The following LRRC4 variants were observed in gnomAD, a reference collection of about 807,000 sequenced individuals.
LRRC4 encodes the protein leucine rich repeat containing 4.
A neutral mutation model predicts 37.9 loss-of-function variants in LRRC4; 11 were observed. The observed-to-expected ratio is 0.29, with a 90% confidence interval of 0.18 to 0.48. The LOEUF is 0.48. Ranked by LOEUF, LRRC4 falls within the 20% of genes least tolerant of loss-of-function variation. The pLI is 0.99. For synonymous variants in LRRC4, 404 were observed against 346.7 expected (o/e 1.17, Z -1.84); for missense variants, 717 against 842.1 (o/e 0.85, Z 1.84).
rs1179434942 is a variant in LRRC4 at position 128,028,728 on chromosome 7, T to C, written c.1913A>G (p.Tyr638Cys). 1.9e-6 allele frequency: 3 copies of C among 1,614,108 alleles called. No individual in the cohort carries two copies. Among genetic ancestry groups the C allele is most frequent in the East Asian group, 2.2e-5 (1 of 44,882 alleles). ...GTCCTTGGTATGGGTCTGAATTATA[T>C]AAGGTTCAGAGATAGTGGTGACTGT... is the stretch of plus-strand genomic sequence containing the variant. ...HPTVTTISEP[Y>C]IIQTHTKDKV... Residue 638 changes from tyrosine to cysteine, a missense_variant, in exon 2 of 2, where the codon TAT becomes TGT. Tyr to Cys is a radical substitution (Grantham distance 194). This residue lies in a region of LRRC4 where 140 missense variants were observed against 137.2 expected (regional missense o/e 1.02). Transcript: ENST00000249363.
In LRRC4 at chr7:128,029,164, C is replaced by T. The variant is rs1481748327; in HGVS notation, c.1477G>A (p.Val493Met). The change falls in exon 2 of 2, where the codon GTG becomes ATG. Residue 493 changes from valine (V) to methionine (M), a missense_variant. By Grantham distance (21) the Val-to-Met change is conservative. This residue lies in a region of LRRC4 where 293 missense variants were observed against 268.3 expected (regional missense o/e 1.09). Coordinates refer to ENST00000249363, the MANE Select transcript of LRRC4 (RefSeq NM_022143.5). This position sits in a 1 kb window ranked among gnomAD's most constrained non-coding sequence, Gnocchi z 4.2. ...GGCACACGGGTAGTCTGAATGAGCA[C>T]CGTGGTAGAGGTGGTATATGCCGGC... ...YQPAYTTSTT[V>M]LIQTTRVPKQ... 1.2e-6 allele frequency: 2 copies of T among 1,613,980 alleles called. No individual in the cohort carries two copies. Among genetic ancestry groups the T allele is most frequent in the South Asian group, 1.1e-5 (1 of 91,058 alleles).
Position 128,028,856 on chromosome 7 carries a change from T to C in LRRC4, c.1785A>G (p.Ala595=). The C allele has an allele frequency of 1.2e-6, 2 of 1,614,230 alleles. No individual in the cohort carries two copies. The highest frequency in any genetic ancestry group is 1.7e-6 in the Non-Finnish European group (2 of 1,180,024). The change falls in exon 2 of 2, where the codon GCA becomes GCG. Residue 595 remains alanine (A), a synonymous_variant. Coordinates refer to ENST00000249363, the MANE Select transcript of LRRC4 (RefSeq NM_022143.5). ...GGTCATGAATTGTGGGCAGCACTAC[T>C]GCCCCCTCACCTGATACACCGGACG... ...AAPSGVSGEG[A]VVLPTIHDHI...
Position 128,028,669 on chromosome 7 carries a change from G to A in LRRC4, c.*10C>T, listed in dbSNP as rs767933794. ...CTATTGCATTTTATAAGTTTTTTGG[G>A]GGAGGGGAGTCATATTTGAGTTTCC... On this transcript the variant is annotated 3_prime_UTR_variant, in exon 2 of 2. Coordinates refer to ENST00000249363, the MANE Select transcript of LRRC4 (RefSeq NM_022143.5). 3 of 1,598,050 alleles carry A rather than the reference G, an allele frequency of 1.9e-6. No individual in the cohort carries two copies. The highest frequency in any genetic ancestry group is 2.6e-6 in the Non-Finnish European group (3 of 1,171,580).
intron 1 of LRRC4, 49 bp from the exon 2 acceptor site, chr7:128,030,789 G>C: frequency 9.7e-7 from 1 of 1,035,684 alleles, no homozygotes; most frequent in East Asian, 2.8e-5. Context: ...GAGCGGATCG[G>C]CCGAAAAAAA....
rs949018984 is a variant in LRRC4 at position 128,027,260 on chromosome 7, G to C, written c.*1419C>G. The stretch of plus-strand genomic sequence containing the variant: ...TCATTAGATGGACCAGAATAACAGA[G>C]ATCTCTGCCTTCCCCACCCACGCCC... On this transcript the variant is annotated 3_prime_UTR_variant, in exon 2 of 2. Transcript: ENST00000249363. 3.3e-5 allele frequency: 5 copies of C among 149,866 alleles called. No homozygotes were observed. The highest frequency in any genetic ancestry group is 1.2e-4 in the African/African-American group (5 of 40,270). 9.3% of individuals were successfully genotyped at this position (149,866 alleles called of 1,614,324 possible).
Position 128,028,549 on chromosome 7 carries a change from G to GTT in LRRC4, c.*128_*129dup. Reference sequence around the variant, plus strand: ...TTGTCTTTAAATTTTAATATAATCTGTTTTTTTTAACCAGCCCATAGACTT... The same window carrying GTT: ...TTGTCTTTAAATTTTAATATAATCTGTTTTTTTTTTAACCAGCCCATAGACTT... On this transcript the variant is annotated 3_prime_UTR_variant, in exon 2 of 2. Coordinates refer to ENST00000249363, the MANE Select transcript of LRRC4 (RefSeq NM_022143.5). 2.4e-6 allele frequency: 2 copies of GTT among 831,826 alleles called. No individual in the cohort carries two copies. The highest frequency in any genetic ancestry group is 2.4e-5 in the South Asian group (1 of 40,822). 51.5% of individuals were successfully genotyped at this position (831,826 alleles called of 1,614,324 possible).
Position 128,027,912 on chromosome 7 carries a change from A to C in LRRC4, c.*767T>G, listed in dbSNP as rs556290745. 4 of 152,426 alleles carry C rather than the reference A, an allele frequency of 2.6e-5. No homozygotes were observed. The highest frequency in any genetic ancestry group is 9.6e-5 in the African/African-American group (4 of 41,550). 9.4% of individuals were successfully genotyped at this position (152,426 alleles called of 1,614,324 possible). ...AAGCCCAACTGCAGGAATCTGGTGC[A>C]ATGTGAAAGCATTAGACTGAGAGCT... is the stretch of plus-strand genomic sequence containing the variant. On this transcript the variant is annotated 3_prime_UTR_variant, in exon 2 of 2. Transcript: ENST00000249363.
chr7:128,028,504 AAT>A lies in LRRC4; in HGVS notation c.*173_*174del. 2 of 647,868 alleles carry A rather than the reference AAT, an allele frequency of 3.1e-6. No homozygotes were observed. The highest frequency in any genetic ancestry group is 5.0e-6 in the Non-Finnish European group (2 of 403,424). 40.1% of individuals were successfully genotyped at this position (647,868 alleles called of 1,614,324 possible). A position where few individuals can be genotyped will look rare whatever the true frequency, so the allele number is the denominator to read the frequency against. On this transcript the variant is annotated 3_prime_UTR_variant, in exon 2 of 2. Transcript: ENST00000249363. ...TTTAAATAGAACTTACAAGTTAGAA[AAT>A]ATTTTTGTTTTGACTTTTTGTCTTT...
Position 128,028,446 on chromosome 7 carries a change from C to T in LRRC4, c.*233G>A. 2.2e-6 allele frequency: 1 copy of T among 447,186 alleles called. No individual in the cohort carries two copies. 27.7% of individuals were successfully genotyped at this position (447,186 alleles called of 1,614,324 possible). A position where few individuals can be genotyped will look rare whatever the true frequency, so the allele number is the denominator to read the frequency against. ...TAGCAAGTTAACTTGTGGCTTGTAC[C>T]CCACAACGTTCCCAAGATTCCCCCC... On this transcript the variant is annotated 3_prime_UTR_variant, in exon 2 of 2. Transcript: ENST00000249363.
Position 128,030,707 on chromosome 7 carries a change from C to A in LRRC4, c.-67G>T. The stretch of plus-strand genomic sequence containing the variant: ...CTCGGAAAGGAGAACCAGCCCTACC[C>A]CGGCTTAAGTGAGCTAGGAGCTCCT... On this transcript the variant is annotated 5_prime_UTR_variant, in exon 2 of 2. Transcript: ENST00000249363. 6.6e-7 allele frequency: 1 copy of A among 1,507,702 alleles called. No homozygotes were observed. Among genetic ancestry groups the A allele is most frequent in the South Asian group, 1.3e-5 (1 of 75,302 alleles). 93.4% of individuals were successfully genotyped at this position (1,507,702 alleles called of 1,614,324 possible).
At position 128,030,441 on chromosome 7, in the gene LRRC4, G is replaced by A; in HGVS notation, c.200C>T (p.Ser67Phe). The change falls in exon 2 of 2, where the codon TCC (serine) becomes TTC (phenylalanine). Residue 67 changes from serine (S) to phenylalanine (F), a missense_variant. By Grantham distance (155) the Ser-to-Phe change is radical. Transcript: ENST00000249363. ...SKVVCTRRGL[S>F]EVPQGIPSNT... is the part of the protein sequence containing the mutation. ...CGAGGGAATACCCTGCGGGACCTCG[G>A]AGAGGCCCCGGCGCGTGCACACCAC... 6.2e-7 allele frequency: 1 copy of A among 1,613,804 alleles called. No homozygotes were observed. Among genetic ancestry groups the A allele is most frequent in the Non-Finnish European group, 8.5e-7 (1 of 1,180,028 alleles).
rs764234288 is a variant in LRRC4 at position 128,028,656 on chromosome 7, A to G, written c.*23T>C. 18 of 1,591,616 alleles carry G rather than the reference A, an allele frequency of 1.1e-5. No homozygotes were observed. The highest frequency in any genetic ancestry group is 7.9e-5 in the South Asian group (7 of 88,146). On this transcript the variant is annotated 3_prime_UTR_variant, in exon 2 of 2. Transcript: ENST00000249363. ...CTTTGTGTGCATTCTATTGCATTTTATAAGTTTTTTGGGGGAGGGGAGTCA... is the reference window on the plus strand; with the variant it reads ...CTTTGTGTGCATTCTATTGCATTTTGTAAGTTTTTTGGGGGAGGGGAGTCA...
chr7:128,028,563 G>T lies in LRRC4; in HGVS notation c.*116C>A. 2.1e-6 allele frequency: 2 copies of T among 961,936 alleles called. No individual in the cohort carries two copies. The highest frequency in any genetic ancestry group is 2.5e-5 in the East Asian group (1 of 40,324). 59.6% of individuals were successfully genotyped at this position (961,936 alleles called of 1,614,324 possible). On this transcript the variant is annotated 3_prime_UTR_variant, in exon 2 of 2. Coordinates refer to ENST00000249363, the MANE Select transcript of LRRC4 (RefSeq NM_022143.5). ...TAATATAATCTGTTTTTTTTAACCAGCCCATAGACTTAATATATAAGCATA... is the reference window on the plus strand; with the variant it reads ...TAATATAATCTGTTTTTTTTAACCATCCCATAGACTTAATATATAAGCATA...
Position 128,030,603 on chromosome 7 carries a change from G to C in LRRC4, c.38C>G (p.Thr13Ser), listed in dbSNP as rs1029058039. 1 of 1,588,906 alleles carries C rather than the reference G, an allele frequency of 6.3e-7. No homozygotes were observed. Among genetic ancestry groups the C allele is most frequent in the African/African-American group, 1.3e-5 (1 of 74,680 alleles). ...LLWQVTVHHH[T>S]WNAILLPFVY... The stretch of plus-strand genomic sequence containing the variant: ...GAACGGGAGCAGGATGGCATTCCAG[G>C]TGTGGTGGTGCACAGTTACCTGCCA... The change falls in exon 2 of 2, where the codon ACC becomes AGC. Residue 13 changes from threonine to serine, a missense_variant. Physicochemically the swap from Thr to Ser is moderately conservative, Grantham distance 58. Transcript: ENST00000249363.
At chr7:128,030,766 G>A (rs1792565721) in intron 1 of LRRC4, 26 bp from the exon 2 acceptor site, 7 of 1,234,002 alleles carry the variant, frequency 5.7e-6, no homozygotes, top group Non-Finnish European at 7.8e-6. Context: ...GGGAGGGGGC[G>A]ATTAGAGAGA....
rs1803552439 is a variant in LRRC4, at chr7:128,028,659, A to C, written c.*20T>G. The C allele has an allele frequency of 6.3e-7, 1 of 1,592,866 alleles. No homozygotes were observed. Among genetic ancestry groups the C allele is most frequent in the African/African-American group, 1.4e-5 (1 of 73,892 alleles). ...TGTGTGCATTCTATTGCATTTTATA[A>C]GTTTTTTGGGGGAGGGGAGTCATAT... On this transcript the variant is annotated 3_prime_UTR_variant, in exon 2 of 2. Transcript: ENST00000249363.
chr7:128,030,340 G>A lies in LRRC4; in HGVS notation c.301C>T (p.Leu101=). ...QADTFRHLHH[L]EVLQLGRNSI... The stretch of plus-strand genomic sequence containing the variant: ...TTCCTGCCCAACTGCAGGACCTCCA[G>A]GTGGTGGAGGTGGCGGAAGGTGTCG... Residue 101 remains leucine, a synonymous_variant, in exon 2 of 2, where the codon CTG becomes TTG. Coordinates refer to ENST00000249363, the MANE Select transcript of LRRC4 (RefSeq NM_022143.5). 4 of 1,614,094 alleles carry A rather than the reference G, an allele frequency of 2.5e-6. No homozygotes were observed. Among genetic ancestry groups the A allele is most frequent in the South Asian group, 1.1e-5 (1 of 91,088 alleles).
Position 128,028,864 on chromosome 7 carries a change from C to T in LRRC4, c.1777G>A (p.Glu593Lys). The change falls in exon 2 of 2, where the codon GAG (glutamate) becomes AAG (lysine). Residue 593 changes from glutamate (E) to lysine (K), a missense_variant. Physicochemically the swap from Glu to Lys is moderately conservative, Grantham distance 56. Around this residue, in one of 5 missense-constraint regions of LRRC4, gnomAD observed 140 missense variants for 137.2 expected, o/e 1.02. Transcript: ENST00000249363. ...ATAAPSGVSGEGAVVLPTIHD... is the reference protein window; with the variant it reads ...ATAAPSGVSGKGAVVLPTIHD... The stretch of plus-strand genomic sequence containing the variant: ...ATTGTGGGCAGCACTACTGCCCCCT[C>T]ACCTGATACACCGGACGGAGCTGCT... The T allele has an allele frequency of 1.2e-6, 2 of 1,614,208 alleles. No individual in the cohort carries two copies. The highest frequency in any genetic ancestry group is 1.7e-6 in the Non-Finnish European group (2 of 1,180,038).
Position 128,028,641 on chromosome 7 carries a change from A to ATT in LRRC4, c.*36_*37dup. ...TACAAAAGTTGCTGTCTTTGTGTGCATTCTATTGCATTTTATAAGTTTTTT... is the reference window on the plus strand; with the variant it reads ...TACAAAAGTTGCTGTCTTTGTGTGCATTTTCTATTGCATTTTATAAGTTTTTT... On this transcript the variant is annotated 3_prime_UTR_variant, in exon 2 of 2. Transcript: ENST00000249363. The ATT allele has an allele frequency of 6.4e-7, 1 of 1,570,776 alleles. No homozygotes were observed. Among genetic ancestry groups the ATT allele is most frequent in the Non-Finnish European group, 8.7e-7 (1 of 1,156,004 alleles).
Sources: gnomAD v4.1 joint callset for allele counts on GRCh38, gnomAD v4.1.1 for gene constraint, gnomAD v4.1.1 regional missense constraint, Gnocchi (gnomAD v3.1) non-coding constraint, MANE v1.5 for transcripts, NCBI Gene and HGNC (gene_info 2026-07-23, HGNC 2026-07-21) for gene names.